ERV3-1: variants seen among roughly 807,000 people sequenced by gnomAD.
ERV3-1 encodes the protein endogenous retrovirus group 3 member 1, envelope, also known as endogenous retrovirus group 3 member 1 Env polyprotein.
A neutral mutation model predicts 24.6 loss-of-function variants in ERV3-1; 36 were observed. The observed-to-expected ratio is 1.47, with a 90% CI of 1.12 to 1.94. The LOEUF (loss-of-function observed/expected upper bound fraction) is 1.94, where lower values mean the gene tolerates loss of function less well. Ranked by LOEUF, ERV3-1 falls within the 30% of genes most tolerant of loss-of-function variation. The pLI is 0.00. For synonymous variants in ERV3-1, 211 were observed against 122.6 expected (o/e 1.72, Z -4.76); for missense variants, 578 against 330.9 (o/e 1.75, Z -5.79).
intron 1 of ERV3-1, among the ~76,000 whole-genome samples, chr7:64,998,773 C>T (rs541413705): frequency 2.0e-5 from 3 of 152,236 alleles, no homozygotes; most frequent in African/African-American, 4.8e-5. Context: ...AAGCCATATG[C>T]CGTAGCCCCA....
At chr7:65,005,685 G>C (rs901066660) in intron 1 of ERV3-1, among the ~76,000 whole-genome samples, 1 of 152,180 alleles carries the variant, frequency 6.6e-6, no homozygotes, top group Non-Finnish European at 1.5e-5. Flanking sequence ...ATGGGAAATG[G>C]GGAGAAGTCT....
Position 64,992,809 on chromosome 7 carries a change from G to A in ERV3-1, c.218C>T (p.Pro73Leu). 1 of 766,372 alleles carries A rather than the reference G, an allele frequency of 1.3e-6. No homozygotes were observed. The allele number at this position is 766,372 out of a possible 1,614,324, so 47.5% of individuals were successfully genotyped here. Residue 73 changes from proline to leucine, a missense_variant, in exon 2 of 2, where the codon CCA (proline) becomes CTA (leucine). Pro to Leu is a moderately conservative substitution (Grantham distance 98, BLOSUM62 -3). Coordinates refer to ENST00000394323, the MANE Select transcript of ERV3-1 (RefSeq NM_001007253.4). ...HNQTTYSVCDPGRGQPYVCYD... is the reference protein window; with the variant it reads ...HNQTTYSVCDLGRGQPYVCYD... ...ACACACATAAGGCTGGCCCCTTCCT[G>A]GGTCACAGACTGAGTAGGTTGTCTG...
intron 1 of ERV3-1, among the ~76,000 whole-genome samples, chr7:64,999,867 G>A (rs1341385302): frequency 6.6e-6 from 1 of 152,150 alleles, no homozygotes; most frequent in Non-Finnish European, 1.5e-5. Flanking sequence ...GGACTTTGGA[G>A]TGAGTCAGAC....
In ERV3-1 at chr7:64,991,650, G is replaced by A. The variant is rs1439118970; in HGVS notation, c.1377C>T (p.Tyr459=). The A allele has an allele frequency of 1.4e-6, 1 of 707,766 alleles. No homozygotes were observed. Among genetic ancestry groups the A allele is most frequent in the Admixed American group, 2.0e-5 (1 of 50,138 alleles). 43.8% of individuals were successfully genotyped at this position (707,766 alleles called of 1,614,324 possible). A position where few individuals can be genotyped will look rare whatever the true frequency, so the allele number is the denominator to read the frequency against. The change falls in exon 2 of 2, where the codon TAC becomes TAT. Residue 459 remains tyrosine (Y), a synonymous_variant. Coordinates refer to ENST00000394323, the MANE Select transcript of ERV3-1 (RefSeq NM_001007253.4). The part of the protein sequence containing the change: ...MPLKQGEALG[Y]PIYDETKRKS... The stretch of plus-strand genomic sequence containing the variant: ...TCCTTTTAGTTTCATCATAGATGGG[G>A]TATCCTAAGGCTTCTCCCTGTTTTA...
rs1786249550 is a variant in ERV3-1, at chr7:64,990,986, G to A, written c.*226C>T. The A allele has an allele frequency of 5.0e-6, 2 of 403,292 alleles. No homozygotes were observed. The highest frequency in any genetic ancestry group is 8.8e-6 in the Non-Finnish European group (2 of 227,352). The allele number at this position is 403,292 out of a possible 1,614,324, so 25.0% of individuals were successfully genotyped here. ...TCACTATCTTCATTTACTTCAAGAG[G>A]AAGTAGCTCTTTTCTTGGCAGGGGT... On this transcript the variant is annotated 3_prime_UTR_variant, in exon 2 of 2. Coordinates refer to ENST00000394323, the MANE Select transcript of ERV3-1 (RefSeq NM_001007253.4).
chr7:64,997,752 T>C (rs1383528902), intron 1 of ERV3-1, among the ~76,000 whole-genome samples: 2 of 152,160 alleles, frequency 1.3e-5, no homozygotes, highest in African/African-American at 4.8e-5. Flanking sequence ...CTGTTTGCAA[T>C]CTGGCCACGT....
chr7:64,996,001 A>G (rs1388310709), intron 1 of ERV3-1, among the ~76,000 whole-genome samples: 1 of 152,220 alleles, frequency 6.6e-6, no homozygotes, highest in Non-Finnish European at 1.5e-5. Context: ...TAAAATGCAA[A>G]GATGGGCTGA....
At chr7:65,004,484 A>T (rs1261144553) in intron 1 of ERV3-1, 2 of 152,234 alleles carry the variant, frequency 1.3e-5, no homozygotes, top group Non-Finnish European at 2.9e-5. Flanking sequence ...TTAAATGAGT[A>T]TTCTTAAGAA....
Position 64,995,111 on chromosome 7 carries a change from G to C in ERV3-1, c.-388-1697C>G, listed in dbSNP as rs1400548586. On this transcript the variant is annotated intron_variant, in intron 1 of 1. Coordinates refer to ENST00000394323, the MANE Select transcript of ERV3-1 (RefSeq NM_001007253.4). ...GTTATGCGTGGATTTTCACATAGGAGCCCTTGGTATCAAGTCATCGTTGGG... is the reference window on the plus strand; with the variant it reads ...GTTATGCGTGGATTTTCACATAGGACCCCTTGGTATCAAGTCATCGTTGGG... Among the ~76,000 whole-genome samples, 3 of 152,236 alleles carry C rather than the reference G, an allele frequency of 2.0e-5. No homozygotes were observed. The East Asian group carries it at 5.8e-4, about 29-fold the overall frequency.
rs1307576873 is a variant in ERV3-1 at position 64,991,787 on chromosome 7, G to A, written c.1240C>T (p.Pro414Ser). ...QLEAPNTWQA[P>S]SGLYWICGPQ... ...CCACAGATCCAGTAGAGGCCAGAGG[G>A]TGCCTGCCAGGTATTTGGAGCTTCA... Residue 414 changes from proline to serine, a missense_variant, in exon 2 of 2, where the codon CCC becomes TCC. Pro to Ser is a moderately conservative substitution (Grantham distance 74). Coordinates refer to ENST00000394323, the MANE Select transcript of ERV3-1 (RefSeq NM_001007253.4). 3 of 766,046 alleles carry A rather than the reference G, an allele frequency of 3.9e-6. No homozygotes were observed. The highest frequency in any genetic ancestry group is 7.2e-6 in the Non-Finnish European group (3 of 417,902). The allele number at this position is 766,046 out of a possible 1,614,324, so 47.5% of individuals were successfully genotyped here.
rs577153764 is a variant in ERV3-1, at chr7:64,991,743, T to C, written c.1284A>G (p.Gln428=). 3 of 765,906 alleles carry C rather than the reference T, an allele frequency of 3.9e-6. No individual in the cohort carries two copies. The highest frequency in any genetic ancestry group is 2.4e-5 in the East Asian group (1 of 41,222). The allele number at this position is 765,906 out of a possible 1,614,324, so 47.4% of individuals were successfully genotyped here. ...AGGCCCCTGACCATTTAGCTGGCAG[T>C]TGTCGATATGCTTGTGGCCCACAGA... is the stretch of plus-strand genomic sequence containing the variant. ...YWICGPQAYR[Q]LPAKWSGACV... Residue 428 remains glutamine, a synonymous_variant, in exon 2 of 2, where the codon CAA becomes CAG. Transcript: ENST00000394323.
intron 1 of ERV3-1, among the ~76,000 whole-genome samples, chr7:65,000,808 A>T (rs1414806270): frequency 6.6e-6 from 1 of 152,120 alleles, no homozygotes; most frequent in African/African-American, 2.4e-5. Context: ...AATAAAATAA[A>T]ATATTTAATA....
At position 64,992,891 on chromosome 7, in the gene ERV3-1, A is replaced by G. The variant is rs201235898; in HGVS notation, c.136T>C (p.Leu46=). ...GCACACTCATAATAAGTGTGATACA[A>G]CAGGGTTTTAGTCATGATGTTCCCC... The part of the protein sequence containing the change: ...WSGNIMTKTL[L]YHTYYECAGT... Residue 46 remains leucine (L), a synonymous_variant, in exon 2 of 2, where the codon TTG becomes CTG. Transcript: ENST00000394323. 1.3e-6 allele frequency: 1 copy of G among 766,422 alleles called. No homozygotes were observed. Among genetic ancestry groups the G allele is most frequent in the Non-Finnish European group, 2.4e-6 (1 of 417,908 alleles). The allele number at this position is 766,422 out of a possible 1,614,324, so 47.5% of individuals were successfully genotyped here. A position where few individuals can be genotyped will look rare whatever the true frequency, so the allele number is the denominator to read the frequency against.
intron 1 of ERV3-1, among the ~76,000 whole-genome samples, chr7:64,999,142 C>T (rs1273559146): frequency 6.6e-6 from 1 of 152,130 alleles, no homozygotes; most frequent in African/African-American, 2.4e-5. Context: ...AGCGTGAAGT[C>T]CTGGAATCGT....
chr7:64,997,760 C>T (rs912087137), intron 1 of ERV3-1, among the ~76,000 whole-genome samples: 3 of 152,094 alleles, frequency 2.0e-5, no homozygotes, highest in East Asian at 3.8e-4. Flanking sequence ...AATCTGGCCA[C>T]GTTGGATTTT....
At chr7:64,997,040 T>C (rs1786418852) in intron 1 of ERV3-1, among the ~76,000 whole-genome samples, 1 of 152,234 alleles carries the variant, frequency 6.6e-6, no homozygotes, top group South Asian at 2.1e-4. Flanking sequence ...CTCTGGACAT[T>C]CACCTTTCCA....
chr7:65,000,194 G>A (rs1041487289), intron 1 of ERV3-1, among the ~76,000 whole-genome samples: 4 of 152,012 alleles, frequency 2.6e-5, no homozygotes, highest in South Asian at 2.1e-4. Flanking sequence ...GGTATGGCAC[G>A]GTGGCTCATG....
chr7:64,990,999 T>TA lies in ERV3-1; in HGVS notation c.*212_*213insT. The TA allele has an allele frequency of 2.4e-6, 1 of 414,536 alleles. No individual in the cohort carries two copies. Among genetic ancestry groups the TA allele is most frequent in the Non-Finnish European group, 4.3e-6 (1 of 234,262 alleles). The allele number at this position is 414,536 out of a possible 1,614,324, so 25.7% of individuals were successfully genotyped here. A position where few individuals can be genotyped will look rare whatever the true frequency, so the allele number is the denominator to read the frequency against. On this transcript the variant is annotated 3_prime_UTR_variant, in exon 2 of 2. Coordinates refer to ENST00000394323, the MANE Select transcript of ERV3-1 (RefSeq NM_001007253.4). Reference sequence around the variant, plus strand: ...TTACTTCAAGAGGAAGTAGCTCTTTTCTTGGCAGGGGTTAATACTTAGTTA... The same window carrying TA: ...TTACTTCAAGAGGAAGTAGCTCTTTTACTTGGCAGGGGTTAATACTTAGTTA...
chr7:64,995,728 C>T (rs897522592), intron 1 of ERV3-1, among the ~76,000 whole-genome samples: 1 of 152,196 alleles, frequency 6.6e-6, no homozygotes, highest in African/African-American at 2.4e-5. Context: ...CAAATTTGGG[C>T]CTTCTTTTTG....
Sources: allele counts gnomAD v4.1 joint callset (sites outside exome capture counted in the v4.1 genomes callset), GRCh38; gene constraint gnomAD v4.1.1; transcripts MANE v1.5; gene names NCBI Gene and HGNC (gene_info 2026-07-23, HGNC 2026-07-21).